The following TNFSF10 variants were observed in gnomAD, a reference collection of about 807,000 sequenced individuals.
The protein encoded by TNFSF10 is tumor necrosis factor ligand superfamily member 10.
Under a neutral mutation model 29.5 loss-of-function variants are expected in TNFSF10, and 13 were observed. The observed-to-expected ratio is 0.44, with a 90% CI of 0.29 to 0.70. The LOEUF (loss-of-function observed/expected upper bound fraction) is 0.70, where lower values mean the gene tolerates loss of function less well. Among genes scored for constraint, TNFSF10 ranks in the 30% least tolerant of loss-of-function variants. The pLI, the probability that TNFSF10 is intolerant of heterozygous loss-of-function variation, is 0.13. For missense variants in TNFSF10, 345 were observed against 330.9 expected (o/e 1.04, Z -0.33); for synonymous variants, 111 against 112.8 (o/e 0.98, Z 0.10).
chr3:172,517,580 C>T (rs1713488233), intron 1 of TNFSF10: 2 of 985,106 alleles, frequency 2.0e-6, no homozygotes, highest in Non-Finnish European at 1.2e-6. Context: ...CCACTAATAG[C>T]AGCTATATTC....
chr3:172,509,462 AT>A (rs1713128353), intron 3 of TNFSF10, 141 bp from the exon 4 acceptor site: 2 of 566,142 alleles, frequency 3.5e-6, no homozygotes. Context: ...TAAAAATAAC[AT>A]TTTGATATTA....
chr3:172,520,324 T>C (rs1713629637), intron 1 of TNFSF10, among the ~76,000 whole-genome samples: 1 of 152,224 alleles, frequency 6.6e-6, no homozygotes, highest in African/African-American at 2.4e-5. Flanking sequence ...TTCAATTGTT[T>C]TATCATGAAC....
chr3:172,509,891 A>G (rs898660718), intron 3 of TNFSF10, among the ~76,000 whole-genome samples: 13 of 151,524 alleles, frequency 8.6e-5, no homozygotes, highest in African/African-American at 3.1e-4. Flanking sequence ...AGGCAGGAGA[A>G]TGGTGTGAAT....
chr3:172,512,199 G>A (rs781710663), intron 2 of TNFSF10, among the ~76,000 whole-genome samples: 11 of 152,120 alleles, frequency 7.2e-5, no homozygotes, highest in Non-Finnish European at 1.5e-4. Context: ...TGACAACACC[G>A]TGTCATTCTT....
At chr3:172,521,384 TG>T (rs1218548119) in intron 1 of TNFSF10, among the ~76,000 whole-genome samples, 1 of 152,074 alleles carries the variant, frequency 6.6e-6, no homozygotes, top group Non-Finnish European at 1.5e-5. Flanking sequence ...CATCAAAAAG[TG>T]GGCAAAAGAT....
chr3:172,506,405 G>T lies in TNFSF10; in HGVS notation c.*87C>A. ...TTCTGTTTTCTGTTTGTTTGTTTTG[G>T]TCAGATTTTTTGAAACATCTTCATA... On this transcript the variant is annotated 3_prime_UTR_variant, in exon 5 of 5. Transcript: ENST00000241261. The T allele has an allele frequency of 6.9e-7, 1 of 1,451,944 alleles. No homozygotes were observed. The allele number at this position is 1,451,944 out of a possible 1,614,324, so 89.9% of individuals were successfully genotyped here.
intron 1 of TNFSF10, chr3:172,517,818 A>T: frequency 1.0e-6 from 1 of 983,448 alleles, no homozygotes; most frequent in Non-Finnish European, 1.2e-6. Context: ...AAGTACCCAT[A>T]ATCATACCAT....
At chr3:172,514,777 G>C (rs557652223) in intron 2 of TNFSF10, 84 bp downstream of exon 2, 1 of 1,531,340 alleles carries the variant, frequency 6.5e-7, no homozygotes, top group East Asian at 2.3e-5. Flanking sequence ...GTCTAGACTT[G>C]ATTATCTTAA....
At chr3:172,509,160 C>T in intron 4 of TNFSF10, 57 bp downstream of exon 4, 1 of 1,444,948 alleles carries the variant, frequency 6.9e-7, no homozygotes. Context: ...AAATAAGTTA[C>T]TTGGCACAAT....
chr3:172,511,234 C>G (rs1291502998), intron 3 of TNFSF10, among the ~76,000 whole-genome samples: 1 of 152,076 alleles, frequency 6.6e-6, no homozygotes, highest in Admixed American at 6.6e-5. Flanking sequence ...CCAGTGGTGG[C>G]CTGAAACAAA....
intron 1 of TNFSF10, chr3:172,517,310 C>G: frequency 1.0e-6 from 1 of 984,512 alleles, no homozygotes; most frequent in Non-Finnish European, 1.2e-6. Context: ...AGCCTGTGAT[C>G]CCTTCTGAGT....
At position 172,506,530 on chromosome 3, in the gene TNFSF10, G is replaced by T; in HGVS notation, c.808C>A (p.His270Asn). The change falls in exon 5 of 5, where the codon CAT (histidine) becomes AAT (asparagine). Residue 270 changes from histidine (H) to asparagine (N), a missense_variant. Physicochemically the swap from His to Asn is moderately conservative, Grantham distance 68 (BLOSUM62 1). Coordinates refer to ENST00000241261, the MANE Select transcript of TNFSF10 (RefSeq NM_003810.4). The stretch of plus-strand genomic sequence containing the variant: ...AAGGCCCCAAAAAAACTGGCTTCAT[G>T]GTCCATGTCTATCAAGTGCTCATTT... ...VTNEHLIDMD[H>N]EASFFGAFLV... 6.2e-7 allele frequency: 1 copy of T among 1,609,916 alleles called. No individual in the cohort carries two copies. Among genetic ancestry groups the T allele is most frequent in the Non-Finnish European group, 8.5e-7 (1 of 1,178,924 alleles).
intron 3 of TNFSF10, among the ~76,000 whole-genome samples, chr3:172,511,113 G>C (rs1713201848): frequency 6.6e-6 from 1 of 152,180 alleles, no homozygotes; most frequent in African/African-American, 2.4e-5. Context: ...ATGAACAAGA[G>C]GGTGGTGTGG....
rs1712943404 is a variant in TNFSF10 at position 172,505,545 on chromosome 3, TA to T, written c.*946del. ...AAAAGTAAGAAATTTATTTCTTCTGTAATATGTGTCAAAGATATTATGAAAA... is the reference window on the plus strand; with the variant it reads ...AAAAGTAAGAAATTTATTTCTTCTGTATATGTGTCAAAGATATTATGAAAA... On this transcript the variant is annotated 3_prime_UTR_variant, in exon 5 of 5. Transcript: ENST00000241261. 1 of 152,122 alleles carries T rather than the reference TA, an allele frequency of 6.6e-6. No individual in the cohort carries two copies. The highest frequency in any genetic ancestry group is 6.5e-5 in the Admixed American group (1 of 15,282). 9.4% of individuals were successfully genotyped at this position (152,122 alleles called of 1,614,324 possible). A position where few individuals can be genotyped will look rare whatever the true frequency, so the allele number is the denominator to read the frequency against.
At chr3:172,521,021 C>G (rs1713668992) in intron 1 of TNFSF10, among the ~76,000 whole-genome samples, 1 of 152,118 alleles carries the variant, frequency 6.6e-6, no homozygotes, top group African/African-American at 2.4e-5. Flanking sequence ...AGAAACTGGG[C>G]CCCTTCCTTA....
chr3:172,520,946 A>T (rs147941037), intron 1 of TNFSF10, among the ~76,000 whole-genome samples: 5 of 152,314 alleles, frequency 3.3e-5, no homozygotes, highest in African/African-American at 1.2e-4. Context: ...AAAACAAGCA[A>T]TGGGGAAAGG....
chr3:172,515,617 T>A (rs1037507583), intron 1 of TNFSF10, among the ~76,000 whole-genome samples: 1 of 152,214 alleles, frequency 6.6e-6, no homozygotes, highest in Non-Finnish European at 1.5e-5. Flanking sequence ...ATGTTTACAC[T>A]AACTAGGGAT....
intron 1 of TNFSF10, chr3:172,517,711 T>G: frequency 1.0e-6 from 1 of 985,186 alleles, no homozygotes; most frequent in Non-Finnish European, 1.2e-6. Context: ...TGCTGTGTTC[T>G]TTAAATCTGT....
chr3:172,509,236 G>T lies in TNFSF10; in HGVS notation c.399C>A (p.Ser133Arg), dbSNP rs531273245. The change falls in exon 4 of 5, where the codon AGC becomes AGA. Residue 133 changes from serine to arginine, a missense_variant. By Grantham distance (110) the Ser-to-Arg change is moderately radical (BLOSUM62 -1). Coordinates refer to ENST00000241261, the MANE Select transcript of TNFSF10 (RefSeq NM_003810.4). Reference sequence around the variant, plus strand: ...TCTTACTTGGAGAAGACAATGTGTTGCTTCTTCCTCTGGTCCCAGTTATGT... The same window carrying T: ...TCTTACTTGGAGAAGACAATGTGTTTCTTCTTCCTCTGGTCCCAGTTATGT... ...AAHITGTRGR[S>R]NTLSSPNSKN... is the part of the protein sequence containing the mutation. The T allele has an allele frequency of 1.5e-5, 25 of 1,613,338 alleles. No homozygotes were observed. Among genetic ancestry groups the T allele is most frequent in the Non-Finnish European group, 2.1e-5 (25 of 1,179,644 alleles).
Sources: gnomAD v4.1 joint callset for allele counts (sites outside exome capture counted in the v4.1 genomes callset) on GRCh38, gnomAD v4.1.1 for gene constraint, MANE v1.5 for transcripts, NCBI Gene and HGNC (gene_info 2026-07-23, HGNC 2026-07-21) for gene names.